The following CTNNA1 variants were observed in gnomAD, a reference collection of about 807,000 sequenced individuals.
CTNNA1 encodes catenin alpha 1, also known as catenin alpha-1.
CTNNA1 carries 37 observed loss-of-function variants against 98.4 expected under a neutral mutation model. The observed-to-expected ratio is 0.38, with a 90% confidence interval of 0.29 to 0.49. CTNNA1 has a LOEUF of 0.49. Among genes scored for constraint, CTNNA1 ranks in the 20% least tolerant of loss-of-function variants. CTNNA1 has a pLI of 0.95. For missense variants in CTNNA1, 761 were observed against 1,147.2 expected, an observed-to-expected ratio of 0.66 and a Z score of 4.86; for synonymous variants, 404 against 413.2, an observed-to-expected ratio of 0.98 and a Z score of 0.27.
intron 1 of CTNNA1, among the ~76,000 whole-genome samples, chr5:138,771,475 G>C (rs1057135258): frequency 1.3e-5 from 2 of 152,072 alleles, no homozygotes; most frequent in African/African-American, 4.8e-5. Context: ...TTGACCTCTT[G>C]GGTTCAAGTG....
chr5:138,926,931 CAT>C (rs754147866), intron 13 of CTNNA1, among the ~76,000 whole-genome samples: 2 of 152,226 alleles, frequency 1.3e-5, no homozygotes, highest in Non-Finnish European at 2.9e-5. Flanking sequence ...CCAGGCAGCA[CAT>C]GTTAGTTGAT....
At chr5:138,918,860 G>A (rs1210152179) in intron 11 of CTNNA1, among the ~76,000 whole-genome samples, 1 of 152,180 alleles carries the variant, frequency 6.6e-6, no homozygotes, top group East Asian at 1.9e-4. Context: ...GGAACCACGG[G>A]CTAGAACGTG....
chr5:138,810,346 T>A (rs1758553542), intron 4 of CTNNA1, 142 bp downstream of exon 4: 4 of 813,130 alleles, frequency 4.9e-6, no homozygotes, highest in Admixed American at 5.3e-5. Flanking sequence ...TTGTTTAATT[T>A]CCACTTACTC....
intron 3 of CTNNA1, among the ~76,000 whole-genome samples, chr5:138,792,724 A>G (rs1210385493): frequency 1.3e-5 from 2 of 152,228 alleles, no homozygotes; most frequent in Non-Finnish European, 2.9e-5. Flanking sequence ...AAAAATGACA[A>G]GTGTTCCTAC....
At chr5:138,810,335 T>G in intron 4 of CTNNA1, 131 bp downstream of exon 4, 1 of 936,150 alleles carries the variant, frequency 1.1e-6, no homozygotes, top group Non-Finnish European at 1.6e-6. Flanking sequence ...CAGAGATGTT[T>G]TTGTTTAATT....
chr5:138,832,298 CTACT>C (rs1182167465), intron 7 of CTNNA1, among the ~76,000 whole-genome samples: 1 of 152,164 alleles, frequency 6.6e-6, no homozygotes, highest in Non-Finnish European at 1.5e-5. Context: ...CATTTGACCT[CTACT>C]TACTTAACAT....
At chr5:138,902,726 G>A (rs1001419398) in intron 9 of CTNNA1, among the ~76,000 whole-genome samples, 7 of 152,166 alleles carry the variant, frequency 4.6e-5, no homozygotes, top group Non-Finnish European at 1.0e-4. Flanking sequence ...GTACACCAGC[G>A]ATCTTTGTTA....
At chr5:138,844,962 A>G (rs779397854) in intron 7 of CTNNA1, among the ~76,000 whole-genome samples, 43 of 152,256 alleles carry the variant, frequency 2.8e-4, no homozygotes, top group Admixed American at 1.1e-3. Context: ...TTCTTTCCCC[A>G]TTAGTAGGTG....
intron 16 of CTNNA1, among the ~76,000 whole-genome samples, chr5:138,931,229 A>G (rs1765239370): frequency 6.6e-6 from 1 of 152,160 alleles, no homozygotes; most frequent in Non-Finnish European, 1.5e-5. Context: ...CCATGTGGCC[A>G]GTGCTGTGGA....
At chr5:138,854,909 G>A (rs1037066593) in intron 7 of CTNNA1, among the ~76,000 whole-genome samples, 1 of 152,148 alleles carries the variant, frequency 6.6e-6, no homozygotes, top group Non-Finnish European at 1.5e-5. Flanking sequence ...CATCTTTTGA[G>A]TACCCATTAT....
At chr5:138,844,094 G>T (rs55901834) in intron 7 of CTNNA1, among the ~76,000 whole-genome samples, 1 of 151,322 alleles carries the variant, frequency 6.6e-6, no homozygotes, top group African/African-American at 2.4e-5. Context: ...GCAAGTTTGT[G>T]GAAAGCAAAG....
intron 7 of CTNNA1, among the ~76,000 whole-genome samples, chr5:138,846,043 C>G (rs1397111862): frequency 6.6e-6 from 1 of 152,186 alleles, no homozygotes; most frequent in African/African-American, 2.4e-5. Context: ...TCTCCTGCCT[C>G]AGCCTCCCAA....
rs777730458 is a variant in CTNNA1 at position 138,904,363 on chromosome 5, C to G, written c.1311C>G (p.Ala437=). The G allele has an allele frequency of 3.7e-5, 60 of 1,613,540 alleles. 1 individual carries two copies. The South Asian group carries it at 6.3e-4, about 17-fold the overall frequency. ...TATGTTTATAGGTTGCCAACTTGGC[C>G]TGTTCCATCTCAAATAATGAAGAAG... ...ANKLIEVANL[A]CSISNNEEGV... Residue 437 remains alanine, a synonymous_variant, in exon 10 of 18, where the codon GCC becomes GCG. Coordinates refer to ENST00000302763, the MANE Select transcript of CTNNA1 (RefSeq NM_001903.5).
chr5:138,934,117 C>G lies in CTNNA1; in HGVS notation c.*28C>G, dbSNP rs780976211. The G allele has an allele frequency of 5.8e-5, 90 of 1,562,432 alleles. No individual in the cohort carries two copies. The highest frequency in any genetic ancestry group is 7.7e-5 in the Non-Finnish European group (88 of 1,143,422). ...CTGCCCAGGCCGGCCGCCCCCACCCCTCGGGGCTCCTGAATATCAGTCACT... is the reference window on the plus strand; with the variant it reads ...CTGCCCAGGCCGGCCGCCCCCACCCGTCGGGGCTCCTGAATATCAGTCACT... On this transcript the variant is annotated 3_prime_UTR_variant, in exon 18 of 18. Transcript: ENST00000302763.
intron 7 of CTNNA1, among the ~76,000 whole-genome samples, chr5:138,864,883 C>T (rs1053071807): frequency 2.6e-5 from 4 of 152,130 alleles, no homozygotes; most frequent in Admixed American, 6.5e-5. Flanking sequence ...GGCGCGATCT[C>T]GGCTCACTAC....
At chr5:138,929,635 G>GTGTT (rs531834194) in intron 14 of CTNNA1, among the ~76,000 whole-genome samples, 242 of 152,300 alleles carry the variant, frequency 1.6e-3, no homozygotes, top group African/African-American at 5.6e-3. Flanking sequence ...AGTCAATGCA[G>GTGTT]TGTTTGTTGA....
chr5:138,930,723 C>T (rs906779114), intron 15 of CTNNA1, 69 bp downstream of exon 15: 124 of 1,563,210 alleles, frequency 7.9e-5, no homozygotes, highest in African/African-American at 5.5e-4. Context: ...ACCTGCGCAG[C>T]GGCTCAGACA....
intron 3 of CTNNA1, among the ~76,000 whole-genome samples, chr5:138,789,107 G>A (rs1236537877): frequency 1.3e-5 from 2 of 152,202 alleles, no homozygotes; most frequent in Non-Finnish European, 2.9e-5. Flanking sequence ...AAATATGAGT[G>A]AGGAATGGGC....
chr5:138,913,110 A>G (rs1035384170), intron 10 of CTNNA1, among the ~76,000 whole-genome samples: 1 of 147,280 alleles, frequency 6.8e-6, no homozygotes, highest in Non-Finnish European at 1.5e-5. Context: ...TTTGTTTTTT[A>G]ACTTTCATTC....
Sources: allele counts gnomAD v4.1 joint callset (sites outside exome capture counted in the v4.1 genomes callset), GRCh38; gene constraint gnomAD v4.1.1; transcripts MANE v1.5; gene names NCBI Gene and HGNC (gene_info 2026-07-23, HGNC 2026-07-21).